MAP2: variants seen among roughly 807,000 people sequenced by gnomAD.
MAP2 encodes microtubule associated protein 2, also known as microtubule-associated protein 2.
A neutral mutation model predicts 137.6 loss-of-function variants in MAP2; 14 were observed. The observed-to-expected ratio is 0.10, with a 90% CI of 0.07 to 0.16. The LOEUF (loss-of-function observed/expected upper bound fraction) is 0.16. MAP2 is among the 10% of genes least tolerant of loss of function. The pLI is 1.00. For missense variants in MAP2, 2,088 were observed against 2,191.5 expected (o/e 0.95, Z 0.94); for synonymous variants, 786 against 782.3 (o/e 1.00, Z -0.08).
chr2:209,647,160 T>G (rs542479828), intron 4 of MAP2, among the ~76,000 whole-genome samples: 1 of 152,174 alleles, frequency 6.6e-6, no homozygotes, highest in Non-Finnish European at 1.5e-5. Context: ...GAGCTCACTA[T>G]CATGAGGACA....
intron 3 of MAP2, among the ~76,000 whole-genome samples, chr2:209,581,772 A>G (rs971770984): frequency 5.3e-5 from 8 of 152,160 alleles, no homozygotes; most frequent in African/African-American, 9.7e-5. Context: ...AATGACTCCA[A>G]TGCGTTGTCA....
intron 2 of MAP2, among the ~76,000 whole-genome samples, chr2:209,545,350 T>A (rs1183752626): frequency 6.6e-6 from 1 of 152,236 alleles, no homozygotes; most frequent in African/African-American, 2.4e-5. Context: ...GCCTGCACTA[T>A]TGGGTCTCTA....
At chr2:209,575,487 C>G (rs949532745) in intron 2 of MAP2, among the ~76,000 whole-genome samples, 4 of 132,710 alleles carry the variant, frequency 3.0e-5, no homozygotes, top group Admixed American at 8.1e-5. Flanking sequence ...CGCCACTGCA[C>G]TCCAGCCTGG....
chr2:209,588,733 C>A (rs1268670099), intron 3 of MAP2, among the ~76,000 whole-genome samples: 1 of 151,796 alleles, frequency 6.6e-6, no homozygotes, highest in Non-Finnish European at 1.5e-5. Context: ...CAAGAGCCAC[C>A]AATTAACATA....
chr2:209,549,753 G>A (rs1479553506), intron 2 of MAP2, among the ~76,000 whole-genome samples: 2 of 152,156 alleles, frequency 1.3e-5, no homozygotes, highest in African/African-American at 2.4e-5. Context: ...AGACTGAATA[G>A]GCCAGCTGAG....
At chr2:209,677,188 CT>C (rs2052229809) in intron 5 of MAP2, among the ~76,000 whole-genome samples, 2 of 151,778 alleles carry the variant, frequency 1.3e-5, no homozygotes, top group African/African-American at 2.4e-5. Context: ...GCTTTGGTGA[CT>C]GTTAATGTTA....
At chr2:209,452,601 G>A (rs943022950) in intron 1 of MAP2, among the ~76,000 whole-genome samples, 5 of 152,116 alleles carry the variant, frequency 3.3e-5, no homozygotes. Context: ...TCATCAGTTG[G>A]ATTAGAATAA....
At chr2:209,710,907 GCAAACATTCATATCTTTT>G (rs1419934118) in intron 13 of MAP2, 1 of 152,276 alleles carries the variant, frequency 6.6e-6, no homozygotes, top group African/African-American at 2.4e-5. Context: ...GCTCCCCAGA[GCAAACATTCATATCTTTT>G]CAAACCAGGG....
At chr2:209,562,395 T>TG (rs199717293) in intron 2 of MAP2, among the ~76,000 whole-genome samples, 15 of 147,064 alleles carry the variant, frequency 1.0e-4, no homozygotes, top group Admixed American at 2.0e-4. Flanking sequence ...GTCTCCAGCT[T>TG]GAAAAAAAAA....
chr2:209,434,812 A>G (rs1695258505), intron 1 of MAP2, among the ~76,000 whole-genome samples: 1 of 110,122 alleles, frequency 9.1e-6, no homozygotes, highest in Admixed American at 8.8e-5. Flanking sequence ...ACAGAGCCAG[A>G]TCCTCTCTCT....
At chr2:209,549,608 C>T (rs941615704) in intron 2 of MAP2, among the ~76,000 whole-genome samples, 9 of 151,924 alleles carry the variant, frequency 5.9e-5, no homozygotes, top group Non-Finnish European at 4.4e-5. Context: ...TTTACAGAAC[C>T]TGATATAGAT....
intron 3 of MAP2, among the ~76,000 whole-genome samples, chr2:209,585,951 G>A (rs1156328095): frequency 1.3e-5 from 2 of 152,088 alleles, no homozygotes; most frequent in South Asian, 2.1e-4. Flanking sequence ...CTCTGATGTC[G>A]ATTCTATTAT....
chr2:209,605,602 T>G (rs961019004), intron 3 of MAP2, among the ~76,000 whole-genome samples: 12 of 152,178 alleles, frequency 7.9e-5, no homozygotes, highest in Non-Finnish European at 2.9e-5. Context: ...TCAACATCCT[T>G]TATGCCACCT....
chr2:209,425,340 TGCC>T (rs1559145695), intron 1 of MAP2, among the ~76,000 whole-genome samples: 2 of 152,208 alleles, frequency 1.3e-5, no homozygotes, highest in African/African-American at 2.4e-5. Flanking sequence ...TTTGTTTAAA[TGCC>T]TAAACACACA....
intron 2 of MAP2, among the ~76,000 whole-genome samples, chr2:209,521,962 A>G (rs965356289): frequency 6.6e-6 from 1 of 152,146 alleles, no homozygotes; most frequent in Non-Finnish European, 1.5e-5. Flanking sequence ...TTGACAAGCC[A>G]TATTTTTAGA....
chr2:209,697,691 T>C (rs1176007627), intron 10 of MAP2, among the ~76,000 whole-genome samples: 2 of 152,334 alleles, frequency 1.3e-5, no homozygotes, highest in South Asian at 2.1e-4. Flanking sequence ...CTACATCTCT[T>C]AGCTGACATT....
At chr2:209,688,356 A>C (rs1189808615) in intron 7 of MAP2, among the ~76,000 whole-genome samples, 1 of 152,166 alleles carries the variant, frequency 6.6e-6, no homozygotes, top group Non-Finnish European at 1.5e-5. Flanking sequence ...CTCCTTAGAC[A>C]CATAATATTA....
At chr2:209,501,980 A>G (rs2060435818) in intron 1 of MAP2, among the ~76,000 whole-genome samples, 2 of 152,114 alleles carry the variant, frequency 1.3e-5, no homozygotes, top group South Asian at 4.1e-4. Context: ...TTATATAAAA[A>G]TTGTATATAT....
At chr2:209,724,228 G>A (rs2072855409) in intron 13 of MAP2, among the ~76,000 whole-genome samples, 1 of 152,110 alleles carries the variant, frequency 6.6e-6, no homozygotes, top group Admixed American at 6.5e-5. Flanking sequence ...AAGGATTCAA[G>A]TCCAGTGTAC....
Sources: allele counts gnomAD v4.1 joint callset (sites outside exome capture counted in the v4.1 genomes callset), GRCh38; gene constraint gnomAD v4.1.1; transcripts MANE v1.5; gene names NCBI Gene and HGNC (gene_info 2026-07-23, HGNC 2026-07-21).